NOL4L: variants seen among roughly 807,000 people sequenced by gnomAD.
NOL4L encodes nucleolar protein 4 like.
In NOL4L, 7 loss-of-function variants were observed where a neutral mutation model predicts 64.5. That is an observed-to-expected ratio of 0.11 (90% CI 0.06 to 0.20). NOL4L has a LOEUF of 0.20. Ranked by LOEUF, NOL4L falls within the 10% of genes least tolerant of loss-of-function variation. The pLI, the probability that NOL4L is intolerant of heterozygous loss-of-function variation, is 1.00. For missense variants in NOL4L, 680 were observed against 967.1 expected, an observed-to-expected ratio of 0.70 and a Z score of 3.94; for synonymous variants, 413 against 401.0, an observed-to-expected ratio of 1.03 and a Z score of -0.36.
At chr20:32,580,152 G>A (rs966726192) in intron 1 of NOL4L, among the ~76,000 whole-genome samples, 1 of 152,172 alleles carries the variant, frequency 6.6e-6, no homozygotes, top group Non-Finnish European at 1.5e-5. Flanking sequence ...GCATTGGTGT[G>A]GACTAGGGGA....
intron 4 of NOL4L, chr20:32,475,484 C>T (rs2015330234): frequency 3.6e-6 from 1 of 274,402 alleles, no homozygotes; most frequent in African/African-American, 2.3e-5. Flanking sequence ...CCACGCCTGC[C>T]TCCTCTCTCC....
At chr20:32,558,621 C>T (rs941239357) in intron 1 of NOL4L, among the ~76,000 whole-genome samples, 2 of 152,216 alleles carry the variant, frequency 1.3e-5, no homozygotes, top group African/African-American at 2.4e-5. Flanking sequence ...CCCTGACAGC[C>T]GTAACGGAGG....
intron 2 of NOL4L, among the ~76,000 whole-genome samples, chr20:32,526,328 C>T (rs1408929392): frequency 6.6e-6 from 1 of 152,160 alleles, no homozygotes; most frequent in Non-Finnish European, 1.5e-5. Context: ...CCACAAGTCA[C>T]TTCCCAAAGC....
chr20:32,565,287 G>A (rs1476733589), intron 1 of NOL4L, among the ~76,000 whole-genome samples: 1 of 152,070 alleles, frequency 6.6e-6, no homozygotes, highest in Non-Finnish European at 1.5e-5. Flanking sequence ...TTCTCGCCGA[G>A]ACCTGCCCCA....
intron 1 of NOL4L, among the ~76,000 whole-genome samples, chr20:32,558,671 G>GTGTGGGATC (rs1978812501): frequency 6.6e-6 from 1 of 152,244 alleles, no homozygotes; most frequent in Non-Finnish European, 1.5e-5. Flanking sequence ...TGGCCTGGCT[G>GTGTGGGATC]TGGCCCTTTC....
chr20:32,448,884 C>T (rs1292117355), intron 10 of NOL4L, among the ~76,000 whole-genome samples: 1 of 152,202 alleles, frequency 6.6e-6, no homozygotes, highest in Non-Finnish European at 1.5e-5. Context: ...TCTTTAACTT[C>T]TCTGGGCCTC....
chr20:32,563,656 G>A (rs975333470), intron 1 of NOL4L, among the ~76,000 whole-genome samples: 3 of 152,176 alleles, frequency 2.0e-5, no homozygotes, highest in East Asian at 3.9e-4. Flanking sequence ...GGCTGATAAC[G>A]GGCACCATTT....
rs1283551483 is a variant in NOL4L, at chr20:32,466,199, C to T, written c.841+8402G>A. On this transcript the variant is annotated intron_variant, in intron 5 of 10. Coordinates refer to ENST00000621426, the MANE Select transcript of NOL4L (RefSeq NM_001256798.2). ...GCCAGGCTGGTCTCAAACTCCTGACCTCAAGTGATCTGCCTGCCTTAGCCT... is the reference window on the plus strand; with the variant it reads ...GCCAGGCTGGTCTCAAACTCCTGACTTCAAGTGATCTGCCTGCCTTAGCCT... Among the ~76,000 whole-genome samples, 11 of 152,266 alleles carry T rather than the reference C, an allele frequency of 7.2e-5. No homozygotes were observed. In the East Asian group the frequency reaches 2.1e-3, roughly 29 times the overall value.
chr20:32,468,288 C>G (rs2014720229), intron 5 of NOL4L, among the ~76,000 whole-genome samples: 1 of 152,198 alleles, frequency 6.6e-6, no homozygotes, highest in African/African-American at 2.4e-5. Context: ...CTGGCTGTGG[C>G]CTCTCTGCCC....
chr20:32,498,766 T>TAAAAAA (rs34083852), intron 4 of NOL4L, among the ~76,000 whole-genome samples: 28 of 98,492 alleles, frequency 2.8e-4, no homozygotes, highest in East Asian at 1.4e-3. Flanking sequence ...CCTGTCTCAA[T>TAAAAAA]AAAAAAAAAA....
chr20:32,517,138 C>T (rs1402998635), intron 3 of NOL4L, among the ~76,000 whole-genome samples: 3 of 152,152 alleles, frequency 2.0e-5, no homozygotes, highest in Admixed American at 6.5e-5. Context: ...GGGCACGGGG[C>T]TGTCCAGGTC....
intron 4 of NOL4L, among the ~76,000 whole-genome samples, chr20:32,477,550 C>T (rs1381204325): frequency 6.6e-6 from 1 of 152,236 alleles, no homozygotes; most frequent in Non-Finnish European, 1.5e-5. Flanking sequence ...GAATCCCGCA[C>T]AAGGCAGTGA....
intron 1 of NOL4L, among the ~76,000 whole-genome samples, chr20:32,564,040 C>A (rs766950171): frequency 6.6e-6 from 1 of 152,190 alleles, no homozygotes; most frequent in Non-Finnish European, 1.5e-5. Context: ...GACAAAGGGA[C>A]AAAGGCGCCC....
At chr20:32,559,742 T>C (rs1444698005) in intron 1 of NOL4L, among the ~76,000 whole-genome samples, 1 of 152,056 alleles carries the variant, frequency 6.6e-6, no homozygotes, top group African/African-American at 2.4e-5. Flanking sequence ...GGTACTGAGG[T>C]TTGTCTGTAA....
intron 1 of NOL4L, among the ~76,000 whole-genome samples, chr20:32,535,105 G>C (rs1405307708): frequency 2.6e-5 from 4 of 151,978 alleles, no homozygotes; most frequent in Admixed American, 6.6e-5. Flanking sequence ...CCAGAATGAA[G>C]ACCATCACCC....
chr20:32,456,070 G>A (rs770489711), intron 6 of NOL4L, 48 bp downstream of exon 6: 50 of 1,451,606 alleles, frequency 3.4e-5, no homozygotes, highest in South Asian at 6.0e-5. Context: ...CTCGCCTCGC[G>A]ACAGCCCTTT....
At chr20:32,583,195 C>G (rs1460882619) in intron 1 of NOL4L, among the ~76,000 whole-genome samples, 1 of 151,300 alleles carries the variant, frequency 6.6e-6, no homozygotes, top group Non-Finnish European at 1.5e-5. Flanking sequence ...CCTCCGCGCT[C>G]GCGGCTCCCA....
chr20:32,511,460 G>C lies in NOL4L; in HGVS notation c.590-4C>G. ...AGTGGAGATGGAGGCTCGTTTTCTG[G>C]CAGAAAGAACAAAAGGAAAGCCCTT... On this transcript the variant is annotated splice_region_variant and splice_polypyrimidine_tract_variant and intron_variant, in intron 3 of 10. Transcript: ENST00000621426. 6.5e-7 allele frequency: 1 copy of C among 1,542,882 alleles called. No homozygotes were observed. The highest frequency in any genetic ancestry group is 2.4e-5 in the East Asian group (1 of 40,862).
At chr20:32,576,119 C>T (rs1188255536) in intron 1 of NOL4L, among the ~76,000 whole-genome samples, 6 of 152,140 alleles carry the variant, frequency 3.9e-5, no homozygotes, top group Non-Finnish European at 5.9e-5. Flanking sequence ...GGCCTTGGCT[C>T]TTGCTTTGAG....
Sources: allele counts gnomAD v4.1 joint callset (sites outside exome capture counted in the v4.1 genomes callset), GRCh38; gene constraint gnomAD v4.1.1; transcripts MANE v1.5; gene names NCBI Gene and HGNC (gene_info 2026-07-23, HGNC 2026-07-21).